The following SND1 variants were observed in gnomAD, a reference collection of about 807,000 sequenced individuals.
The protein encoded by SND1 is staphylococcal nuclease and tudor domain containing 1, also known as staphylococcal nuclease domain-containing protein 1.
A neutral mutation model predicts 121.7 loss-of-function variants in SND1; 38 were observed. The ratio of observed to expected loss-of-function variants is 0.31; its 90% CI spans 0.24 to 0.41. The LOEUF is 0.41. SND1 is among the 10% of genes least tolerant of loss of function. The probability of loss-of-function intolerance (pLI) is 1.00; values close to 1 mark genes in which losing one functional copy is unlikely to be tolerated. For synonymous variants in SND1, 401 were observed against 447.4 expected (o/e 0.90, Z 1.31); for missense variants, 868 against 1,184.6 (o/e 0.73, Z 3.92).
chr7:127,723,661 C>T (rs1796534905), intron 10 of SND1, among the ~76,000 whole-genome samples: 1 of 152,150 alleles, frequency 6.6e-6, no homozygotes, highest in Non-Finnish European at 1.5e-5. Flanking sequence ...CTTCCCAGGT[C>T]AGCTGCTGTA....
intron 4 of SND1, 32 bp from the exon 5 acceptor site, chr7:127,701,131 C>T: frequency 6.2e-7 from 1 of 1,610,758 alleles, no homozygotes; most frequent in Admixed American, 1.7e-5. Context: ...TGTGAACTCA[C>T]TAACCACTCT....
chr7:127,721,021 C>T (rs1346621262), intron 9 of SND1, among the ~76,000 whole-genome samples: 3 of 152,116 alleles, frequency 2.0e-5, no homozygotes, highest in Non-Finnish European at 4.4e-5. Context: ...AACCACAAAT[C>T]TTTGTCAGGG....
At position 128,092,382 on chromosome 7, in the gene SND1, G is replaced by A; in HGVS notation, c.*324G>A. On this transcript the variant is annotated 3_prime_UTR_variant, in exon 24 of 24. Transcript: ENST00000354725. The surrounding 1 kb of genome is among the most constrained non-coding windows in gnomAD (Gnocchi z 4.9). ...AAACATCAAAGACTATGTCCTAGTG[G>A]AGGGAGTAATCCTAACACCCAGGCT... The A allele has an allele frequency of 2.9e-6, 1 of 347,956 alleles. No individual in the cohort carries two copies. 21.6% of individuals were successfully genotyped at this position (347,956 alleles called of 1,614,324 possible). A position where few individuals can be genotyped will look rare whatever the true frequency, so the allele number is the denominator to read the frequency against.
intron 15 of SND1, among the ~76,000 whole-genome samples, chr7:127,945,483 T>TC (rs766275952): frequency 2.0e-5 from 3 of 151,082 alleles, no homozygotes; most frequent in Non-Finnish European, 4.4e-5. Context: ...AGAGCGAGAC[T>TC]CCATCTCAAA....
intron 12 of SND1, among the ~76,000 whole-genome samples, chr7:127,873,863 A>T (rs1373190076): frequency 6.6e-6 from 1 of 152,130 alleles, no homozygotes; most frequent in Non-Finnish European, 1.5e-5. Context: ...TACTGTTAAG[A>T]TCCTTCTGGT....
At chr7:127,711,438 A>G (rs950324967) in intron 9 of SND1, among the ~76,000 whole-genome samples, 3 of 152,174 alleles carry the variant, frequency 2.0e-5, no homozygotes, top group African/African-American at 7.2e-5. Flanking sequence ...GTCAGTAGTT[A>G]TCAGAAACTT....
At chr7:128,090,293 G>A (rs529738386) in intron 22 of SND1, among the ~76,000 whole-genome samples, 13 of 152,338 alleles carry the variant, frequency 8.5e-5, no homozygotes, top group African/African-American at 1.9e-4. Context: ...CAATCAGTGC[G>A]CTCGTACCTG....
At chr7:128,017,464 G>A (rs928741789) in intron 16 of SND1, among the ~76,000 whole-genome samples, 2 of 152,192 alleles carry the variant, frequency 1.3e-5, no homozygotes, top group African/African-American at 4.8e-5. Context: ...TCCATGTGTC[G>A]CATTCACTGA....
At chr7:128,010,931 C>G (rs1274506012) in intron 16 of SND1, among the ~76,000 whole-genome samples, 2 of 152,200 alleles carry the variant, frequency 1.3e-5, no homozygotes, top group Non-Finnish European at 2.9e-5. Context: ...AACTGAGGAG[C>G]TGGTGAGCGG....
intron 15 of SND1, among the ~76,000 whole-genome samples, chr7:127,989,379 G>A (rs779158575): frequency 3.9e-5 from 6 of 152,146 alleles, no homozygotes; most frequent in African/African-American, 9.7e-5. Flanking sequence ...AGAAAGCTCC[G>A]TTCTTTATCT....
Position 127,653,574 on chromosome 7 carries a change from C to A in SND1, c.78+1123C>A, listed in dbSNP as rs74700405. On this transcript the variant is annotated intron_variant, in intron 1 of 23. Transcript: ENST00000354725. ...GTGGTAATCCCAGCACTTAGGAGGC[C>A]GAGGTGGGAGGATTGCTTGAGGCCA... Among the ~76,000 whole-genome samples the A allele has an allele frequency of 2.5e-3, 375 of 152,144 alleles. 1 individual carries two copies. Among genetic ancestry groups the A allele is most frequent in the Non-Finnish European group, 3.9e-3 (267 of 68,014 alleles).
intron 11 of SND1, among the ~76,000 whole-genome samples, chr7:127,834,650 C>T (rs1424324135): frequency 6.6e-6 from 1 of 152,066 alleles, no homozygotes; most frequent in African/African-American, 2.4e-5. Context: ...GATATTGATA[C>T]CTGATTTTCT....
chr7:128,090,611 C>A (rs556051557), intron 22 of SND1, among the ~76,000 whole-genome samples: 1 of 152,182 alleles, frequency 6.6e-6, no homozygotes, highest in Admixed American at 6.5e-5. Flanking sequence ...GCAAGAAAGG[C>A]GGGGCATGAA....
chr7:127,897,423 G>A (rs181853289), intron 13 of SND1, among the ~76,000 whole-genome samples: 2 of 152,078 alleles, frequency 1.3e-5, no homozygotes, highest in East Asian at 3.9e-4. Flanking sequence ...TATTTTGGGG[G>A]TAAAAACAAA....
chr7:127,709,261 G>T (rs771446885), intron 9 of SND1, among the ~76,000 whole-genome samples: 1 of 152,162 alleles, frequency 6.6e-6, no homozygotes, highest in Non-Finnish European at 1.5e-5. Flanking sequence ...TATGCTTCCC[G>T]TAGTTAGCAT....
chr7:127,729,823 TG>T (rs1175984004), intron 10 of SND1, among the ~76,000 whole-genome samples: 1 of 152,166 alleles, frequency 6.6e-6, no homozygotes, highest in Middle Eastern at 3.2e-3. Context: ...GAGACTGGAA[TG>T]GGAAGCTGAA....
chr7:128,076,938 T>C (rs1193237991), intron 17 of SND1, among the ~76,000 whole-genome samples: 2 of 152,186 alleles, frequency 1.3e-5, no homozygotes, highest in African/African-American at 4.8e-5. Flanking sequence ...AAGAGGCCGA[T>C]AGGGCTCTCC....
chr7:128,080,804 A>C (rs1793586821), intron 17 of SND1, among the ~76,000 whole-genome samples: 1 of 152,004 alleles, frequency 6.6e-6, no homozygotes, highest in South Asian at 2.1e-4. Flanking sequence ...TGGGGCCTGC[A>C]TTTTTAATAA....
At chr7:127,820,908 T>C (rs1256516372) in intron 11 of SND1, among the ~76,000 whole-genome samples, 1 of 152,214 alleles carries the variant, frequency 6.6e-6, no homozygotes, top group African/African-American at 2.4e-5. Flanking sequence ...AATGCCATTT[T>C]TTCTTGTTTC....
Sources: gnomAD v4.1 joint callset for allele counts (sites outside exome capture counted in the v4.1 genomes callset) on GRCh38, gnomAD v4.1.1 for gene constraint, Gnocchi (gnomAD v3.1) non-coding constraint, MANE v1.5 for transcripts, NCBI Gene and HGNC (gene_info 2026-07-23, HGNC 2026-07-21) for gene names.